Variants in ADSL observed in about 807,000 individuals in gnomAD.
ADSL encodes adenylosuccinase.
A neutral mutation model predicts 62.1 loss-of-function variants in ADSL; 44 were observed. That is an observed-to-expected ratio of 0.71 (90% CI 0.56 to 0.91). ADSL has a LOEUF of 0.91. Among genes scored for constraint, ADSL ranks in the 40% least tolerant of loss-of-function variants. ADSL has a pLI of 0.00. For synonymous variants in ADSL, 198 were observed against 220.5 expected, an observed-to-expected ratio of 0.90 and a Z score of 0.90; for missense variants, 531 against 627.4, an observed-to-expected ratio of 0.85 and a Z score of 1.64.
intron 7 of ADSL, 48 bp downstream of exon 7, chr22:40,360,540 C>A: frequency 7.5e-7 from 1 of 1,327,198 alleles, no homozygotes; most frequent in Non-Finnish European, 1.1e-6. Context: ...TTGGGCACCA[C>A]AGACAGACTG....
Position 40,349,873 on chromosome 22 carries a change from G to A in ADSL, c.195G>A (p.Met65Ile). 1 of 1,614,144 alleles carries A rather than the reference G, an allele frequency of 6.2e-7. No individual in the cohort carries two copies. Among genetic ancestry groups the A allele is most frequent in the East Asian group, 2.2e-5 (1 of 44,878 alleles). The stretch of plus-strand genomic sequence containing the variant: ...TCACAGATGAACAAATCCAGGAGAT[G>A]AAATCAAACCTGGAGAACATCGACT... ...LPITDEQIQEMKSNLENIDFK... is the reference protein window; with the variant it reads ...LPITDEQIQEIKSNLENIDFK... The change falls in exon 2 of 13, where the codon ATG (methionine) becomes ATA (isoleucine). Residue 65 changes from methionine (M) to isoleucine (I), a missense_variant. Around this residue, in one of 2 missense-constraint regions of ADSL, gnomAD observed 471 missense variants for 592.9 expected, o/e 0.79. Transcript: ENST00000623063.
chr22:40,358,372 CAT>C (rs1041799705), intron 4 of ADSL, among the ~76,000 whole-genome samples: 3 of 152,058 alleles, frequency 2.0e-5, no homozygotes, highest in Non-Finnish European at 2.9e-5. Flanking sequence ...TCGCTTGAGA[CAT>C]AGAGTTTGAG....
At chr22:40,375,355 G>A (rs554894440) in intron 2 of ADSL, among the ~76,000 whole-genome samples, 58 of 152,266 alleles carry the variant, frequency 3.8e-4, no homozygotes, top group African/African-American at 1.2e-3. Context: ...CGAGGTAGGC[G>A]GATCACCTAA....
At chr22:40,371,168 G>A (rs2045384043), downstream of ADSL, among the ~76,000 whole-genome samples, 1 of 152,254 alleles carries the variant, frequency 6.6e-6, no homozygotes, top group Non-Finnish European at 1.5e-5. Context: ...CCGAGACTCG[G>A]AACACCGGTG....
intron 1 of ADSL, among the ~76,000 whole-genome samples, chr22:40,347,804 T>C (rs1246928528): frequency 1.3e-5 from 2 of 152,228 alleles, no homozygotes; most frequent in African/African-American, 4.8e-5. Context: ...TGTACCTGTT[T>C]TACAGATGGA....
chr22:40,346,954 G>A (rs886833600), intron 1 of ADSL, among the ~76,000 whole-genome samples: 2 of 152,246 alleles, frequency 1.3e-5, no homozygotes, highest in African/African-American at 4.8e-5. Context: ...GAGGCTGGGA[G>A]AAATTCAGCC....
At position 40,354,229 on chromosome 22, in the gene ADSL, C is replaced by G; in HGVS notation, c.403-19C>G. 8.1e-6 allele frequency: 13 copies of G among 1,610,876 alleles called. No individual in the cohort carries two copies. Among genetic ancestry groups the G allele is most frequent in the Non-Finnish European group, 1.1e-5 (13 of 1,177,036 alleles). On this transcript the variant is annotated intron_variant, in intron 3 of 12. Transcript: ENST00000623063. Reference sequence around the variant, plus strand: ...CAACCTGAATTCAACCTCTTTCTATCACATGATCTTTCTTGTAGCTTGCCA... The same window carrying G: ...CAACCTGAATTCAACCTCTTTCTATGACATGATCTTTCTTGTAGCTTGCCA...
At chr22:40,364,234 T>C in intron 10 of ADSL, 42 bp from the exon 11 acceptor site, 1 of 1,569,724 alleles carries the variant, frequency 6.4e-7, no homozygotes, top group Non-Finnish European at 8.7e-7. Context: ...ACTTTAACCT[T>C]GAGGCACCTT....
At chr22:40,352,748 T>C (rs988695370) in intron 2 of ADSL, among the ~76,000 whole-genome samples, 2 of 152,176 alleles carry the variant, frequency 1.3e-5, no homozygotes, top group East Asian at 3.8e-4. Context: ...GTCCACCTGC[T>C]TCAGCCTCCC....
chr22:40,362,244 C>T (rs1196858686), intron 9 of ADSL, among the ~76,000 whole-genome samples: 1 of 152,198 alleles, frequency 6.6e-6, no homozygotes, highest in Non-Finnish European at 1.5e-5. Flanking sequence ...GCATTACTCT[C>T]GCCTGCTCGC....
chr22:40,386,798 G>A (rs2048535808), intron 2 of ADSL, among the ~76,000 whole-genome samples: 2 of 151,918 alleles, frequency 1.3e-5, no homozygotes, highest in Non-Finnish European at 1.5e-5. Context: ...GACTTTGTGT[G>A]AGTCCCTTTG....
chr22:40,352,058 T>C (rs2044367287), intron 2 of ADSL: 1 of 152,208 alleles, frequency 6.6e-6, no homozygotes, highest in Non-Finnish European at 1.5e-5. Context: ...TGGAAAATCC[T>C]TTAAAAAAGT....
At chr22:40,371,549 T>C (rs1725382149), downstream of ADSL, among the ~76,000 whole-genome samples, 1 of 152,158 alleles carries the variant, frequency 6.6e-6, no homozygotes, top group Non-Finnish European at 1.5e-5. Context: ...TTGTGACAGG[T>C]TTGTGATTAG....
chr22:40,357,031 G>C (rs919958437), intron 4 of ADSL, among the ~76,000 whole-genome samples: 1 of 152,032 alleles, frequency 6.6e-6, no homozygotes, highest in Admixed American at 6.6e-5. Context: ...AAGTACCTGG[G>C]ATTACAGGTG....
chr22:40,377,795 G>A (rs2046885564), intron 2 of ADSL, among the ~76,000 whole-genome samples: 1 of 150,830 alleles, frequency 6.6e-6, no homozygotes, highest in African/African-American at 2.4e-5. Flanking sequence ...GCAGTGAGCT[G>A]TGATCGTGCC....
At chr22:40,377,895 A>G (rs372546066) in intron 2 of ADSL, among the ~76,000 whole-genome samples, 19 of 151,980 alleles carry the variant, frequency 1.3e-4, no homozygotes, top group African/African-American at 4.6e-4. Flanking sequence ...TAACCTGAAG[A>G]GGAGAGAAAT....
chr22:40,368,151 A>G lies in ADSL; in HGVS notation c.*1629A>G, dbSNP rs1250400858. 1 of 152,194 alleles carries G rather than the reference A, an allele frequency of 6.6e-6. No homozygotes were observed. Among genetic ancestry groups the G allele is most frequent in the Non-Finnish European group, 1.5e-5 (1 of 68,056 alleles). The allele number at this position is 152,194 out of a possible 1,614,324, so 9.4% of individuals were successfully genotyped here. A position where few individuals can be genotyped will look rare whatever the true frequency, so the allele number is the denominator to read the frequency against. On this transcript the variant is annotated 3_prime_UTR_variant, in exon 13 of 13. Transcript: ENST00000623063. ...AATATTGCCAGGTGCAGGAAGAGTG[A>G]CTTGATTGTGTGTTGCCCCAAGAGA...
In ADSL at chr22:40,353,105, G is replaced by A; in HGVS notation, c.390G>A (p.Leu130=). 1 of 1,613,916 alleles carries A rather than the reference G, an allele frequency of 6.2e-7. No homozygotes were observed. The highest frequency in any genetic ancestry group is 2.2e-5 in the East Asian group (1 of 44,884). Residue 130 remains leucine (L), a synonymous_variant, in exon 3 of 13, where the codon CTG becomes CTA. Transcript: ENST00000623063. The part of the protein sequence containing the change: ...DLIILRNALD[L]LLPKLARVIS... Reference sequence around the variant, plus strand: ...TTATTCTTAGAAATGCACTTGACCTGCTTTTGCCAAAGGTAAGGAGTTGGC... The same window carrying A: ...TTATTCTTAGAAATGCACTTGACCTACTTTTGCCAAAGGTAAGGAGTTGGC...
At chr22:40,378,720 G>A (rs932802385) in intron 2 of ADSL, among the ~76,000 whole-genome samples, 4 of 151,640 alleles carry the variant, frequency 2.6e-5, no homozygotes, top group Non-Finnish European at 4.4e-5. Flanking sequence ...GCGAGACTCT[G>A]TCTCAAAAAA....
Sources: allele counts gnomAD v4.1 joint callset (sites outside exome capture counted in the v4.1 genomes callset), GRCh38; gene constraint gnomAD v4.1.1; regional missense constraint gnomAD v4.1.1; transcripts MANE v1.5; gene names NCBI Gene and HGNC (gene_info 2026-07-23, HGNC 2026-07-21).